LRRFIP2: variants seen among roughly 807,000 people sequenced by gnomAD.
The protein encoded by LRRFIP2 is LRR binding FLII interacting protein 2, also known as leucine-rich repeat flightless-interacting protein 2.
Under a neutral mutation model 125.9 loss-of-function variants are expected in LRRFIP2, and 109 were observed. That is an observed-to-expected ratio of 0.87 (90% CI 0.74 to 1.01). The LOEUF (loss-of-function observed/expected upper bound fraction) is 1.01, where lower values mean the gene tolerates loss of function less well. Among genes scored for constraint, LRRFIP2 ranks in the 50% least tolerant of loss-of-function variants. The pLI, the probability that LRRFIP2 is intolerant of heterozygous loss-of-function variation, is 0.00. For missense variants in LRRFIP2, 850 were observed against 862.3 expected (o/e 0.99, Z 0.18); for synonymous variants, 291 against 293.1 (o/e 0.99, Z 0.07).
At chr3:37,171,384 G>A (rs2096585142) in intron 1 of LRRFIP2, among the ~76,000 whole-genome samples, 1 of 152,124 alleles carries the variant, frequency 6.6e-6, no homozygotes, top group Admixed American at 6.5e-5. Flanking sequence ...CTGGGCACAA[G>A]CCAGGGAAGC....
intron 19 of LRRFIP2, among the ~76,000 whole-genome samples, chr3:37,079,014 GAAAACTCAT>G (rs1248005944): frequency 6.6e-6 from 1 of 151,800 alleles, no homozygotes; most frequent in Admixed American, 6.6e-5. Context: ...TCCTTTTTTT[GAAAACTCAT>G]AAAGGGAGAA....
intron 24 of LRRFIP2, among the ~76,000 whole-genome samples, chr3:37,063,146 C>T (rs528739646): frequency 6.6e-6 from 1 of 152,270 alleles, no homozygotes; most frequent in South Asian, 2.1e-4. Flanking sequence ...ATAACATTAA[C>T]TTTAGAGGAA....
chr3:37,112,334 C>CAAAAAA (rs1408342199), intron 8 of LRRFIP2, among the ~76,000 whole-genome samples: 9 of 72,736 alleles, frequency 1.2e-4, no homozygotes, highest in Admixed American at 3.3e-4. Context: ...GACTCCATCT[C>CAAAAAA]AAAAAAAGAA....
Position 37,054,767 on chromosome 3 carries a change from T to C in LRRFIP2, c.1951-252A>G, listed in dbSNP as rs574259876. Among the ~76,000 whole-genome samples the C allele has an allele frequency of 2.2e-4, 33 of 152,340 alleles. No individual in the cohort carries two copies. In the Middle Eastern group the frequency reaches 0.02, roughly 94 times the overall value. ...TAAGTTTTATTATGACCATATTGTT[T>C]AAGTGCCAAAGCAATATAGGAAGAG... On this transcript the variant is annotated intron_variant, in intron 26 of 27. Coordinates refer to ENST00000336686, the MANE Select transcript of LRRFIP2 (RefSeq NM_006309.4).
At chr3:37,167,100 G>A (rs2096508511) in intron 1 of LRRFIP2, among the ~76,000 whole-genome samples, 1 of 151,512 alleles carries the variant, frequency 6.6e-6, no homozygotes, top group South Asian at 2.1e-4. Flanking sequence ...GAGAGGCTGA[G>A]GTGGGAGGAT....
At chr3:37,156,314 T>TA (rs917265654) in intron 1 of LRRFIP2, among the ~76,000 whole-genome samples, 6 of 151,560 alleles carry the variant, frequency 4.0e-5, no homozygotes, top group African/African-American at 7.3e-5. Flanking sequence ...ACTCTATCTT[T>TA]AAAAAAAATT....
chr3:37,149,547 T>C (rs1213566281), intron 1 of LRRFIP2, among the ~76,000 whole-genome samples: 2 of 152,118 alleles, frequency 1.3e-5, no homozygotes, highest in African/African-American at 4.8e-5. Flanking sequence ...TAAATAACTA[T>C]AGTTATTTCT....
chr3:37,127,501 A>C, intron 4 of LRRFIP2, 129 bp downstream of exon 4: 2 of 862,674 alleles, frequency 2.3e-6, no homozygotes, highest in Non-Finnish European at 3.8e-6. Context: ...GACAGAATAG[A>C]CACTCTGACC....
intron 2 of LRRFIP2, among the ~76,000 whole-genome samples, chr3:37,133,035 T>A (rs2095469482): frequency 6.6e-6 from 1 of 151,958 alleles, no homozygotes; most frequent in Admixed American, 6.6e-5. Flanking sequence ...ACCAGCCTGG[T>A]CAACATGGCG....
intron 14 of LRRFIP2, 43 bp from the exon 15 acceptor site, chr3:37,103,056 AAAAG>A (rs1388149683): frequency 6.9e-7 from 1 of 1,440,952 alleles, no homozygotes; most frequent in Non-Finnish European, 9.4e-7. Context: ...AGGTTAAGAA[AAAAG>A]AAAGAAAAAA....
chr3:37,141,574 G>T (rs1351145961), intron 2 of LRRFIP2, among the ~76,000 whole-genome samples: 1 of 152,106 alleles, frequency 6.6e-6, no homozygotes, highest in African/African-American at 2.4e-5. Flanking sequence ...TGATTTCATT[G>T]GTTCAAATGT....
intron 12 of LRRFIP2, 101 bp from the exon 13 acceptor site, chr3:37,108,230 A>G: frequency 1.1e-6 from 1 of 876,736 alleles, no homozygotes; most frequent in Non-Finnish European, 1.8e-6. Flanking sequence ...CCTGGTTCTC[A>G]AGATAAAGGT....
Position 37,058,844 on chromosome 3 carries a change from C to G in LRRFIP2, c.1816G>C (p.Gly606Arg). 1 of 1,614,012 alleles carries G rather than the reference C, an allele frequency of 6.2e-7. No homozygotes were observed. Residue 606 changes from glycine (G) to arginine (R), a missense_variant, in exon 25 of 28, where the codon GGT becomes CGT. By Grantham distance (125) the Gly-to-Arg change is moderately radical. Coordinates refer to ENST00000336686, the MANE Select transcript of LRRFIP2 (RefSeq NM_006309.4). The stretch of plus-strand genomic sequence containing the variant: ...CCATTCTGCAGTCCTGCCAGGTCAC[C>G]CACTGTGCCATCATTCCTGGAGCAT... Reference protein sequence around the residue: ...QKCSRNDGTVGDLAGLQNGSD... With the variant: ...QKCSRNDGTVRDLAGLQNGSD...
At chr3:37,104,508 C>T (rs1364347092) in intron 14 of LRRFIP2, among the ~76,000 whole-genome samples, 1 of 152,160 alleles carries the variant, frequency 6.6e-6, no homozygotes, top group Non-Finnish European at 1.5e-5. Flanking sequence ...ATTTAATGTT[C>T]CCCTTCTCTA....
At chr3:37,082,972 T>A (rs2092756953) in intron 19 of LRRFIP2, among the ~76,000 whole-genome samples, 1 of 152,174 alleles carries the variant, frequency 6.6e-6, no homozygotes, top group East Asian at 1.9e-4. Flanking sequence ...CTGGCAATAA[T>A]ACCCATTTGA....
intron 23 of LRRFIP2, chr3:37,064,104 G>A (rs751757313): frequency 3.3e-6 from 1 of 304,490 alleles, no homozygotes; most frequent in Non-Finnish European, 6.1e-6. Flanking sequence ...TTCACTAGTA[G>A]ACAGACAACT....
chr3:37,146,595 T>C (rs1441156535), intron 2 of LRRFIP2, among the ~76,000 whole-genome samples: 3 of 152,208 alleles, frequency 2.0e-5, no homozygotes. Context: ...GTTAGTCTGT[T>C]GAGGATAATG....
intron 7 of LRRFIP2, among the ~76,000 whole-genome samples, chr3:37,114,088 C>CA (rs1332569408): frequency 6.7e-6 from 1 of 149,022 alleles, no homozygotes; most frequent in Non-Finnish European, 1.5e-5. Context: ...TATTCCCAAT[C>CA]AATGATTAAA....
intron 20 of LRRFIP2, 42 bp downstream of exon 20, chr3:37,074,982 T>C (rs750893871): frequency 1.5e-6 from 2 of 1,325,412 alleles, no homozygotes; most frequent in Non-Finnish European, 2.2e-6. Flanking sequence ...ATTCAACTCA[T>C]TTTTTTTCAA....
Sources: allele counts gnomAD v4.1 joint callset (sites outside exome capture counted in the v4.1 genomes callset), GRCh38; gene constraint gnomAD v4.1.1; transcripts MANE v1.5; gene names NCBI Gene and HGNC (gene_info 2026-07-23, HGNC 2026-07-21).